Variants in ISM1 observed in about 807,000 individuals in gnomAD.
ISM1 encodes isthmin-1.
Under a neutral mutation model 46.3 loss-of-function variants are expected in ISM1, and 25 were observed. The observed-to-expected ratio is 0.54, with a 90% CI of 0.39 to 0.75. ISM1 has a LOEUF of 0.75. ISM1 is among the 30% of genes least tolerant of loss of function. The pLI, the probability that ISM1 is intolerant of heterozygous loss-of-function variation, is 0.00. For missense variants in ISM1, 536 were observed against 625.4 expected (o/e 0.86, Z 1.52); for synonymous variants, 255 against 256.7 (o/e 0.99, Z 0.06).
At chr20:13,251,557 A>G (rs1193523170) in intron 1 of ISM1, among the ~76,000 whole-genome samples, 2 of 152,178 alleles carry the variant, frequency 1.3e-5, no homozygotes, top group Non-Finnish European at 2.9e-5. Context: ...GCATGAGAGA[A>G]AGTGAGGTGC....
Position 13,221,404 on chromosome 20 carries a change from T to G in ISM1, c.-373T>G, listed in dbSNP as rs1158146697. ...CCCCGCCGCCGACCCCGCAGCCCCCTGCCAGCAGGGTGGCCTCCGGCCCGG... is the reference window on the plus strand; with the variant it reads ...CCCCGCCGCCGACCCCGCAGCCCCCGGCCAGCAGGGTGGCCTCCGGCCCGG... On this transcript the variant is annotated 5_prime_UTR_variant, in exon 1 of 6. Coordinates refer to ENST00000262487, the MANE Select transcript of ISM1 (RefSeq NM_080826.2). Among the ~76,000 whole-genome samples, 3 of 145,460 alleles carry G rather than the reference T, an allele frequency of 2.1e-5. No homozygotes were observed. In the East Asian group the frequency reaches 6.2e-4, roughly 30 times the overall value.
intron 1 of ISM1, among the ~76,000 whole-genome samples, chr20:13,269,635 G>A (rs2123248810): frequency 6.6e-6 from 1 of 152,230 alleles, no homozygotes; most frequent in South Asian, 2.1e-4. Flanking sequence ...GATTATGGCA[G>A]GGTGCCACCT....
At chr20:13,246,369 A>C (rs1460104095) in intron 1 of ISM1, among the ~76,000 whole-genome samples, 2 of 151,770 alleles carry the variant, frequency 1.3e-5, no homozygotes, top group Non-Finnish European at 2.9e-5. Context: ...TGAATATTGC[A>C]TTCTTCCTGC....
chr20:13,320,656 A>G, the ISM1 span, among the ~76,000 whole-genome samples: 1 of 152,132 alleles, frequency 6.6e-6, no homozygotes, highest in African/African-American at 2.4e-5. Flanking sequence ...ACAGAAGTTG[A>G]TAGTCCCAGG....
downstream of ISM1, among the ~76,000 whole-genome samples, chr20:13,302,484 C>A (rs548750325): frequency 3.5e-4 from 53 of 152,268 alleles, no homozygotes; most frequent in Non-Finnish European, 6.2e-4. Flanking sequence ...CTAGGAGACC[C>A]TTATCTCATT....
At chr20:13,303,871 T>A (rs901665833), downstream of ISM1, among the ~76,000 whole-genome samples, 1 of 152,240 alleles carries the variant, frequency 6.6e-6, no homozygotes, top group African/African-American at 2.4e-5. Flanking sequence ...CACACATGTA[T>A]GATGTTACAT....
intron 1 of ISM1, among the ~76,000 whole-genome samples, chr20:13,233,751 T>C (rs1291195247): frequency 2.6e-5 from 4 of 152,206 alleles, no homozygotes; most frequent in Non-Finnish European, 5.9e-5. Context: ...GGGAAAATAC[T>C]GTCCTTCTCT....
intron 3 of ISM1, among the ~76,000 whole-genome samples, chr20:13,283,502 A>G (rs1444600599): frequency 6.6e-6 from 1 of 152,206 alleles, no homozygotes; most frequent in Non-Finnish European, 1.5e-5. Flanking sequence ...AAATACATGT[A>G]GGATACAATG....
chr20:13,247,843 G>T (rs1179630050), intron 1 of ISM1, among the ~76,000 whole-genome samples: 2 of 152,142 alleles, frequency 1.3e-5, no homozygotes, highest in Non-Finnish European at 2.9e-5. Flanking sequence ...TAGGATCTTG[G>T]TTTCTCTTTT....
chr20:13,256,878 C>T (rs2039935517), intron 1 of ISM1, among the ~76,000 whole-genome samples: 1 of 152,046 alleles, frequency 6.6e-6, no homozygotes, highest in Non-Finnish European at 1.5e-5. Context: ...AGTGTTTGAG[C>T]AAGGCTGGCA....
At chr20:13,323,610 T>C in the ISM1 span, among the ~76,000 whole-genome samples, 1 of 152,252 alleles carries the variant, frequency 6.6e-6, no homozygotes, top group Non-Finnish European at 1.5e-5. Context: ...ATTTAATCTT[T>C]ATAACTACCA....
In ISM1 at chr20:13,299,192, G is replaced by A. The variant is rs1419184317; in HGVS notation, c.1128G>A (p.Glu376=). Residue 376 remains glutamate, a synonymous_variant, in exon 6 of 6, where the codon GAG becomes GAA. Transcript: ENST00000262487. This position sits in a 1 kb window ranked among gnomAD's most constrained non-coding sequence, Gnocchi z 5.8. ...GCATCCGCTCCATGCTGTCCCTGGA[G>A]AGCACCACGCTGGCGGCACAGCACT... ...RYCIRSMLSL[E]STTLAAQHCC... 6.2e-7 allele frequency: 1 copy of A among 1,605,502 alleles called. No individual in the cohort carries two copies.
At chr20:13,296,544 A>G (rs1001190377) in intron 5 of ISM1, among the ~76,000 whole-genome samples, 6 of 152,182 alleles carry the variant, frequency 3.9e-5, no homozygotes, top group African/African-American at 9.7e-5. Flanking sequence ...AGAGAAGTAA[A>G]TAAGGGAAAG....
At chr20:13,310,981 G>A in the ISM1 span, among the ~76,000 whole-genome samples, 1 of 152,166 alleles carries the variant, frequency 6.6e-6, no homozygotes, top group South Asian at 2.1e-4. Context: ...ATCACCTGAG[G>A]TCAGGAGTTT....
chr20:13,245,792 C>G (rs972512246), intron 1 of ISM1, among the ~76,000 whole-genome samples: 1 of 152,206 alleles, frequency 6.6e-6, no homozygotes, highest in African/African-American at 2.4e-5. Context: ...CCAATCATTC[C>G]CCTTTCCATG....
At chr20:13,277,113 A>C (rs953918409) in intron 2 of ISM1, among the ~76,000 whole-genome samples, 1 of 151,926 alleles carries the variant, frequency 6.6e-6, no homozygotes, top group Admixed American at 6.6e-5. Flanking sequence ...CAACAAGTCT[A>C]TTTTGTTTGG....
At chr20:13,222,615 A>T (rs2039464569) in intron 1 of ISM1, among the ~76,000 whole-genome samples, 1 of 152,126 alleles carries the variant, frequency 6.6e-6, no homozygotes, top group African/African-American at 2.4e-5. Context: ...TCTCCCAAGG[A>T]TCTTCCCCGT....
At chr20:13,323,755 GA>G in the ISM1 span, among the ~76,000 whole-genome samples, 2,337 of 152,042 alleles carry the variant, frequency 0.015, 57 homozygotes, top group African/African-American at 0.053. Flanking sequence ...ATTTATCTTG[GA>G]AAAAAAGCCT....
At chr20:13,222,678 A>G (rs1394397810) in intron 1 of ISM1, among the ~76,000 whole-genome samples, 2 of 152,204 alleles carry the variant, frequency 1.3e-5, no homozygotes, top group Non-Finnish European at 2.9e-5. Flanking sequence ...CTTCAGGGCA[A>G]GGAGAGGGCG....
Sources: allele counts gnomAD v4.1 joint callset (sites outside exome capture counted in the v4.1 genomes callset), GRCh38; gene constraint gnomAD v4.1.1; non-coding constraint Gnocchi (gnomAD v3.1); transcripts MANE v1.5; gene names NCBI Gene and HGNC (gene_info 2026-07-23, HGNC 2026-07-21).